The following TIAM1 variants were observed in gnomAD, a reference collection of about 807,000 sequenced individuals.
TIAM1 encodes the protein rho guanine nucleotide exchange factor TIAM1.
In TIAM1, 65 loss-of-function variants were observed where a neutral mutation model predicts 163.5. The ratio of observed to expected loss-of-function variants is 0.40; its 90% CI spans 0.33 to 0.49. The LOEUF (loss-of-function observed/expected upper bound fraction) is 0.49, where lower values mean the gene tolerates loss of function less well. Among genes scored for constraint, TIAM1 ranks in the 20% least tolerant of loss-of-function variants. The probability of loss-of-function intolerance (pLI) is 0.77; values close to 1 mark genes in which losing one functional copy is unlikely to be tolerated. For missense variants in TIAM1, 1,789 were observed against 2,044.7 expected, an observed-to-expected ratio of 0.87 and a Z score of 2.41; for synonymous variants, 833 against 810.1, an observed-to-expected ratio of 1.03 and a Z score of -0.48.
intron 2 of TIAM1, among the ~76,000 whole-genome samples, chr21:31,295,988 G>A (rs139619154): frequency 3.9e-4 from 60 of 152,156 alleles, no homozygotes; most frequent in Non-Finnish European, 3.7e-4. Flanking sequence ...TACTAGAGAC[G>A]GGTTTTCGCC....
At chr21:31,489,164 GT>G (rs35825149) in intron 1 of TIAM1, among the ~76,000 whole-genome samples, 73,919 of 150,478 alleles carry the variant, frequency 0.49, 18,601 homozygotes, top group African/African-American at 0.55. Context: ...GAGTCTAGGA[GT>G]TTGAGAACAG....
chr21:31,501,060 G>A (rs1478750145), intron 1 of TIAM1, among the ~76,000 whole-genome samples: 2 of 152,164 alleles, frequency 1.3e-5, no homozygotes, highest in Non-Finnish European at 2.9e-5. Context: ...AGAAATGTGG[G>A]TGTTTTGTTG....
At position 31,385,732 on chromosome 21, in the gene TIAM1, AT is replaced by A. The variant is rs575223827; in HGVS notation, c.-368-46311del. ...CTGGAAGATTTAAAAAAAAAAAAAA[AT>A]GTACCCTACACCAGCTGTTTAAAAC... On this transcript the variant is annotated intron_variant, in intron 2 of 28. Transcript: ENST00000286827. Among the ~76,000 whole-genome samples, 1,032 of 147,314 alleles carry A rather than the reference AT, an allele frequency of 7.0e-3. 10 individuals carry two copies. The highest frequency in any genetic ancestry group is 0.025 in the African/African-American group (986 of 40,092).
intron 16 of TIAM1, chr21:31,160,508 C>T (rs527826230): frequency 6.3e-5 from 25 of 398,676 alleles, no homozygotes; most frequent in Middle Eastern, 6.3e-4. Flanking sequence ...TGGGCTTGCG[C>T]TTTATTTTCC....
chr21:31,340,207 A>G (rs2075972355), intron 1 of TIAM1, among the ~76,000 whole-genome samples: 1 of 151,594 alleles, frequency 6.6e-6, no homozygotes, highest in Admixed American at 6.6e-5. Flanking sequence ...AATGCTAAGT[A>G]ATTATGCCAT....
In TIAM1 at chr21:31,514,906, T is replaced by A. The variant is rs180833762; in HGVS notation, c.-422+44021A>T. 2.7e-3 allele frequency among the ~76,000 whole-genome samples: 405 copies of A among 152,324 alleles called. 2 individuals are homozygous for A. The highest frequency in any genetic ancestry group is 9.1e-3 in the African/African-American group (380 of 41,584). On this transcript the variant is annotated intron_variant, in intron 1 of 28. Transcript: ENST00000286827. ...CTTTGTTCCAGCGGAAAGCCGATGT[T>A]AGGAGTTGGGAGAGATGGAAAGCAA...
intron 2 of TIAM1, among the ~76,000 whole-genome samples, chr21:31,357,937 T>C (rs539622688): frequency 6.6e-6 from 1 of 152,238 alleles, no homozygotes; most frequent in African/African-American, 2.4e-5. Flanking sequence ...CTCTTCTCCC[T>C]GACCTCTTAA....
At chr21:31,265,868 CA>C in intron 4 of TIAM1, 141 bp downstream of exon 4, 1 of 1,214,634 alleles carries the variant, frequency 8.2e-7, no homozygotes, top group Non-Finnish European at 1.1e-6. Flanking sequence ...GAAATCCTCC[CA>C]AAACAGCACC....
intron 15 of TIAM1, among the ~76,000 whole-genome samples, chr21:31,170,438 T>G (rs2084446572): frequency 6.6e-6 from 1 of 152,214 alleles, no homozygotes; most frequent in Non-Finnish European, 1.5e-5. Context: ...CCAAAGAATC[T>G]GTATGGATGC....
At chr21:31,373,513 G>A (rs1286971045) in intron 2 of TIAM1, among the ~76,000 whole-genome samples, 2 of 152,176 alleles carry the variant, frequency 1.3e-5, no homozygotes, top group South Asian at 2.1e-4. Flanking sequence ...ATCGGATCTC[G>A]TGAGACTTAT....
intron 2 of TIAM1, among the ~76,000 whole-genome samples, chr21:31,291,134 G>C (rs537783533): frequency 6.6e-6 from 1 of 152,114 alleles, no homozygotes; most frequent in Non-Finnish European, 1.5e-5. Context: ...CCAAGATGCA[G>C]TAAACAAAAA....
chr21:31,294,865 G>A (rs1293855053), intron 2 of TIAM1, among the ~76,000 whole-genome samples: 2 of 152,202 alleles, frequency 1.3e-5, no homozygotes, highest in African/African-American at 4.8e-5. Context: ...CTGAACGCAT[G>A]TTGGCACCAG....
At chr21:31,465,553 C>T (rs931843327) in intron 1 of TIAM1, among the ~76,000 whole-genome samples, 1 of 151,516 alleles carries the variant, frequency 6.6e-6, no homozygotes, top group African/African-American at 2.4e-5. Flanking sequence ...TGACTGGGCC[C>T]CTGGCAGTGA....
chr21:31,534,838 A>T (rs925789413), intron 1 of TIAM1, among the ~76,000 whole-genome samples: 1 of 152,172 alleles, frequency 6.6e-6, no homozygotes, highest in African/African-American at 2.4e-5. Flanking sequence ...AAATTAATCC[A>T]GGGCCAGGCA....
intron 1 of TIAM1, among the ~76,000 whole-genome samples, chr21:31,473,060 A>T (rs1003657791): frequency 3.3e-5 from 5 of 152,196 alleles, no homozygotes; most frequent in African/African-American, 1.2e-4. Context: ...CTCGGTAAAC[A>T]GAAAGATGCT....
At position 31,298,947 on chromosome 21, in the gene TIAM1, G is replaced by A. The variant is rs554200485; in HGVS notation, c.-188-22039C>T. On this transcript the variant is annotated intron_variant, in intron 2 of 27. Transcript: ENST00000541036. Reference sequence around the variant, plus strand: ...GAGAAAGAAGCAAATATATCACTCCGTGTTAAATAAATGTTATCGGAGGAG... The same window carrying A: ...GAGAAAGAAGCAAATATATCACTCCATGTTAAATAAATGTTATCGGAGGAG... 4.9e-4 allele frequency among the ~76,000 whole-genome samples: 74 copies of A among 152,170 alleles called. 2 individuals are homozygous for A. The South Asian group carries it at 0.014, about 29-fold the overall frequency.
At chr21:31,405,264 A>C (rs2077227868) in intron 2 of TIAM1, among the ~76,000 whole-genome samples, 2 of 152,134 alleles carry the variant, frequency 1.3e-5, no homozygotes, top group Non-Finnish European at 2.9e-5. Flanking sequence ...AAATAAATGA[A>C]TAAATCACAA....
intron 2 of TIAM1, among the ~76,000 whole-genome samples, chr21:31,325,976 G>A (rs1344067358): frequency 6.6e-6 from 1 of 152,156 alleles, no homozygotes; most frequent in Non-Finnish European, 1.5e-5. Flanking sequence ...AATTGAAGAA[G>A]AGCATCCCTT....
chr21:31,485,415 A>G (rs1161226383), intron 1 of TIAM1, among the ~76,000 whole-genome samples: 2 of 152,198 alleles, frequency 1.3e-5, no homozygotes, highest in Non-Finnish European at 2.9e-5. Flanking sequence ...ATTGTCCAGG[A>G]GCCTATAAAA....
Sources: allele counts gnomAD v4.1 joint callset (sites outside exome capture counted in the v4.1 genomes callset), GRCh38; gene constraint gnomAD v4.1.1; transcripts MANE v1.5; gene names NCBI Gene and HGNC (gene_info 2026-07-23, HGNC 2026-07-21).